DNAI7: variants seen among roughly 807,000 people sequenced by gnomAD.
DNAI7 encodes the protein cancer susceptibility 1.
In DNAI7, 78 loss-of-function variants were observed where a neutral mutation model predicts 86.6. The ratio of observed to expected loss-of-function variants is 0.90; its 90% CI spans 0.75 to 1.09. DNAI7 has a LOEUF of 1.09. Ranked by LOEUF, DNAI7 falls within the 50% of genes least tolerant of loss-of-function variation. The pLI is 0.00. For synonymous variants in DNAI7, 274 were observed against 273.0 expected, an observed-to-expected ratio of 1.00 and a Z score of -0.04; for missense variants, 753 against 810.2, an observed-to-expected ratio of 0.93 and a Z score of 0.86.
At chr12:25,107,796 C>CTAT (rs751779811), downstream of DNAI7, 4 of 1,599,408 alleles carry the variant, frequency 2.5e-6, no homozygotes, top group African/African-American at 2.7e-5. Context: ...TTACCAAATT[C>CTAT]TATTTGTGTT....
rs1948364102 is a variant in DNAI7 at position 25,173,489 on chromosome 12, C to A, written c.22-12292G>T. 2.0e-5 allele frequency among the ~76,000 whole-genome samples: 3 copies of A among 151,902 alleles called. No individual in the cohort carries two copies. The South Asian group carries it at 6.2e-4, about 32-fold the overall frequency. ...TGGATATGGTGAACAGGAAAAACTT[C>A]CAGAAGGCAGGTGGGAATGCAAACT... On this transcript the variant is annotated intron_variant, in intron 2 of 15. Coordinates refer to ENST00000395987, the MANE Select transcript of DNAI7 (RefSeq NM_018272.5).
intron 1 of DNAI7, 55 bp downstream of exon 1, chr12:25,195,021 T>C (rs1278078111): frequency 1.9e-6 from 3 of 1,614,156 alleles, no homozygotes; most frequent in Non-Finnish European, 2.5e-6. Context: ...TTAACACTGG[T>C]GAAGCAGAAT....
At position 25,161,164 on chromosome 12, in the gene DNAI7, C is replaced by T. The variant is rs1946800499; in HGVS notation, c.55G>A (p.Glu19Lys). The T allele has an allele frequency of 6.2e-7, 1 of 1,613,794 alleles. No homozygotes were observed. The highest frequency in any genetic ancestry group is 1.7e-5 in the Admixed American group (1 of 60,000). ...TCCTCTTGTAGCAGCTTCAATCGTT[C>T]AGCTTTGGTGACTTTCTTTTTCTTA... ...GSKKKKVTKA[E>K]RLKLLQEEEE... The change falls in exon 3 of 16, where the codon GAA becomes AAA. Residue 19 changes from glutamate (E) to lysine (K), a missense_variant. By Grantham distance (56) the Glu-to-Lys change is moderately conservative. Coordinates refer to ENST00000395987, the MANE Select transcript of DNAI7 (RefSeq NM_018272.5).
At position 25,146,995 on chromosome 12, in the gene DNAI7, G is replaced by C; in HGVS notation, c.689+6C>G. ...CCTACAGGGAAAGTATTGCCCACAA[G>C]GGTACCTTGGATTCTTCTTGAGGTT... On this transcript the variant is annotated splice_donor_region_variant and intron_variant, in intron 8 of 15. Transcript: ENST00000395987. 1 of 1,466,386 alleles carries C rather than the reference G, an allele frequency of 6.8e-7. No homozygotes were observed. The highest frequency in any genetic ancestry group is 9.6e-7 in the Non-Finnish European group (1 of 1,046,610). 90.8% of individuals were successfully genotyped at this position (1,466,386 alleles called of 1,614,324 possible).
chr12:25,158,945 G>C (rs1440649843), intron 3 of DNAI7, among the ~76,000 whole-genome samples: 1 of 152,174 alleles, frequency 6.6e-6, no homozygotes, highest in African/African-American at 2.4e-5. Flanking sequence ...GAAACAACAG[G>C]TGCTGGAGAG....
chr12:25,107,889 C>G, downstream of DNAI7: 1 of 1,614,202 alleles, frequency 6.2e-7, no homozygotes, highest in Non-Finnish European at 8.5e-7. Flanking sequence ...CCCTCTGGCT[C>G]TCTATTGCAT....
intron 4 of DNAI7, among the ~76,000 whole-genome samples, chr12:25,157,534 TA>T (rs897461490): frequency 1.1e-4 from 16 of 152,050 alleles, no homozygotes; most frequent in African/African-American, 3.4e-4. Context: ...TCCTTAATTT[TA>T]AAAAAAAGTT....
chr12:25,161,865 A>G (rs1425154408), intron 2 of DNAI7, among the ~76,000 whole-genome samples: 4 of 152,144 alleles, frequency 2.6e-5, no homozygotes, highest in Admixed American at 6.5e-5. Context: ...GCTAGAGCCT[A>G]TGCTAAAGAG....
chr12:25,167,581 G>A (rs56156532), intron 2 of DNAI7, among the ~76,000 whole-genome samples: 2,789 of 152,180 alleles, frequency 0.018, 47 homozygotes, highest in South Asian at 0.067. Flanking sequence ...AACAACCGCT[G>A]GCTTTGCATT....
chr12:25,173,747 TAC>T (rs556531489), intron 2 of DNAI7, among the ~76,000 whole-genome samples: 1 of 151,254 alleles, frequency 6.6e-6, no homozygotes, highest in Admixed American at 6.6e-5. Flanking sequence ...TATATATATA[TAC>T]ACACACACAT....
chr12:25,156,178 T>G (rs1479314432), intron 4 of DNAI7, among the ~76,000 whole-genome samples: 1 of 152,112 alleles, frequency 6.6e-6, no homozygotes, highest in Non-Finnish European at 1.5e-5. Context: ...GAACCCTAAG[T>G]ACATGTCTTT....
At chr12:25,178,692 A>G (rs1949212423) in intron 2 of DNAI7, among the ~76,000 whole-genome samples, 1 of 152,172 alleles carries the variant, frequency 6.6e-6, no homozygotes, top group African/African-American at 2.4e-5. Context: ...GTGATAAGTG[A>G]TATGGAAGAA....
intron 12 of DNAI7, 87 bp downstream of exon 12, chr12:25,119,058 G>A (rs184944406): frequency 8.2e-5 from 83 of 1,008,860 alleles, no homozygotes; most frequent in Non-Finnish European, 5.7e-6. Flanking sequence ...AAGATAGTAA[G>A]CTCAGTTAAT....
intron 2 of DNAI7, among the ~76,000 whole-genome samples, chr12:25,161,905 A>C (rs925107413): frequency 6.6e-6 from 1 of 152,032 alleles, no homozygotes; most frequent in Non-Finnish European, 1.5e-5. Context: ...GAAATGGAAA[A>C]CTCCTAAAAG....
At chr12:25,176,896 A>ATT (rs1282188070) in intron 2 of DNAI7, among the ~76,000 whole-genome samples, 1 of 116,668 alleles carries the variant, frequency 8.6e-6, no homozygotes, top group Non-Finnish European at 1.8e-5. Context: ...CATTTTAACC[A>ATT]TTTTCTTTTT....
chr12:25,185,644 T>G, intron 2 of DNAI7: 1 of 276,142 alleles, frequency 3.6e-6, no homozygotes, highest in Non-Finnish European at 5.5e-6. Flanking sequence ...ATTGATTTAA[T>G]TCCCTCATAT....
chr12:25,194,358 C>T (rs764786376), intron 1 of DNAI7, among the ~76,000 whole-genome samples: 40 of 152,164 alleles, frequency 2.6e-4, no homozygotes, highest in Non-Finnish European at 1.6e-4. Context: ...GTATTCTTGG[C>T]TTCTAGCCCA....
At chr12:25,193,149 GAAAAAA>G (rs112626533) in intron 1 of DNAI7, among the ~76,000 whole-genome samples, 4 of 128,070 alleles carry the variant, frequency 3.1e-5, no homozygotes, top group Non-Finnish European at 6.8e-5. Flanking sequence ...GTCTCAAAAA[GAAAAAA>G]AAAAAAGAAA....
At chr12:25,110,370 CCT>C in intron 14 of DNAI7, 130 bp from the exon 15 acceptor site, 1 of 621,998 alleles carries the variant, frequency 1.6e-6, no homozygotes, top group Non-Finnish European at 2.9e-6. Flanking sequence ...GTACATGACT[CCT>C]CTCTCAACAC....
Sources: gnomAD v4.1 joint callset for allele counts (sites outside exome capture counted in the v4.1 genomes callset) on GRCh38, gnomAD v4.1.1 for gene constraint, MANE v1.5 for transcripts, NCBI Gene and HGNC (gene_info 2026-07-23, HGNC 2026-07-21) for gene names.